The following ST6GALNAC3 variants were observed in gnomAD, a reference collection of about 807,000 sequenced individuals.
ST6GALNAC3 encodes ST6 N-acetylgalactosaminide alpha-2,6-sialyltransferase 3.
A neutral mutation model predicts 32.7 loss-of-function variants in ST6GALNAC3; 25 were observed. The ratio of observed to expected loss-of-function variants is 0.76; its 90% CI spans 0.56 to 1.07. ST6GALNAC3 has a LOEUF of 1.07. Ranked by LOEUF, ST6GALNAC3 falls within the 50% of genes least tolerant of loss-of-function variation. ST6GALNAC3 has a pLI of 0.00. For synonymous variants in ST6GALNAC3, 129 were observed against 133.1 expected (o/e 0.97, Z 0.21); for missense variants, 355 against 382.4 (o/e 0.93, Z 0.60).
chr1:76,408,429 A>G (rs1653986780), intron 2 of ST6GALNAC3, among the ~76,000 whole-genome samples: 1 of 152,092 alleles, frequency 6.6e-6, no homozygotes, highest in Non-Finnish European at 1.5e-5. Context: ...TCTACCCTCA[A>G]AGCCGTTGCA....
intron 3 of ST6GALNAC3, among the ~76,000 whole-genome samples, chr1:76,502,160 T>C (rs983087735): frequency 6.6e-6 from 1 of 152,242 alleles, no homozygotes; most frequent in Non-Finnish European, 1.5e-5. Flanking sequence ...CTCACCCTGT[T>C]CCAGGGATTG....
chr1:76,520,864 T>TA (rs1314162819), intron 3 of ST6GALNAC3, among the ~76,000 whole-genome samples: 1 of 152,198 alleles, frequency 6.6e-6, no homozygotes, highest in Non-Finnish European at 1.5e-5. Context: ...ATATAAATTT[T>TA]AAAAATTAGC....
chr1:76,503,004 T>C (rs1200420598), intron 3 of ST6GALNAC3, among the ~76,000 whole-genome samples: 2 of 152,208 alleles, frequency 1.3e-5, no homozygotes, highest in South Asian at 2.1e-4. Context: ...ACATTTTAAT[T>C]CGTATCTCAG....
At chr1:76,185,546 C>T (rs1037766253) in intron 1 of ST6GALNAC3, among the ~76,000 whole-genome samples, 1 of 152,096 alleles carries the variant, frequency 6.6e-6, no homozygotes, top group African/African-American at 2.4e-5. Context: ...TTCATCTGTG[C>T]CTCACTCTGA....
intron 3 of ST6GALNAC3, among the ~76,000 whole-genome samples, chr1:76,608,300 T>A (rs1647692558): frequency 2.0e-5 from 3 of 152,178 alleles, no homozygotes; most frequent in African/African-American, 7.2e-5. Flanking sequence ...AACAAATATT[T>A]ATTGAGCCTC....
chr1:76,587,291 A>G (rs1646976083), intron 3 of ST6GALNAC3, among the ~76,000 whole-genome samples: 1 of 152,142 alleles, frequency 6.6e-6, no homozygotes. Context: ...GGCAGAACAT[A>G]TTGTCTGAGT....
At chr1:76,361,178 T>C (rs1649904055) in intron 2 of ST6GALNAC3, among the ~76,000 whole-genome samples, 1 of 152,190 alleles carries the variant, frequency 6.6e-6, no homozygotes, top group Non-Finnish European at 1.5e-5. Flanking sequence ...TCAGAAGTTT[T>C]TTCATCTTGC....
chr1:76,264,823 C>T (rs1309852787), intron 1 of ST6GALNAC3, among the ~76,000 whole-genome samples: 1 of 151,594 alleles, frequency 6.6e-6, no homozygotes, highest in Admixed American at 6.6e-5. Context: ...ATGGAGAAGC[C>T]TTTTTTGACC....
intron 1 of ST6GALNAC3, among the ~76,000 whole-genome samples, chr1:76,231,102 T>G (rs752016181): frequency 2.6e-5 from 4 of 152,102 alleles, no homozygotes; most frequent in Non-Finnish European, 4.4e-5. Flanking sequence ...ACTGCTGCTT[T>G]CTCTCTCAGC....
intron 1 of ST6GALNAC3, among the ~76,000 whole-genome samples, chr1:76,284,744 C>A (rs1484433089): frequency 2.0e-5 from 3 of 151,988 alleles, no homozygotes; most frequent in Non-Finnish European, 2.9e-5. Flanking sequence ...GGTTTGGAGG[C>A]AAACTATTGT....
chr1:76,320,453 T>C (rs966430741), intron 2 of ST6GALNAC3, among the ~76,000 whole-genome samples: 1 of 152,130 alleles, frequency 6.6e-6, no homozygotes, highest in African/African-American at 2.4e-5. Context: ...CCCTGCATAC[T>C]ATGTAGGGGG....
intron 1 of ST6GALNAC3, among the ~76,000 whole-genome samples, chr1:76,139,760 C>T (rs2100272243): frequency 6.6e-6 from 1 of 152,296 alleles, no homozygotes; most frequent in East Asian, 1.9e-4. Flanking sequence ...GGTTGTGACC[C>T]TAATCAGCCG....
intron 1 of ST6GALNAC3, among the ~76,000 whole-genome samples, chr1:76,082,911 A>G (rs1005648122): frequency 1.3e-5 from 2 of 151,946 alleles, no homozygotes; most frequent in Admixed American, 6.6e-5. Flanking sequence ...CTCTGTGCAC[A>G]CATAGCAAAT....
intron 2 of ST6GALNAC3, among the ~76,000 whole-genome samples, chr1:76,359,821 T>C (rs1023817436): frequency 6.6e-6 from 1 of 152,136 alleles, no homozygotes; most frequent in Non-Finnish European, 1.5e-5. Context: ...GTAGAATCAA[T>C]GAAGATAGGT....
intron 3 of ST6GALNAC3, among the ~76,000 whole-genome samples, chr1:76,568,708 G>A (rs1318869654): frequency 1.3e-5 from 2 of 152,090 alleles, no homozygotes; most frequent in Non-Finnish European, 2.9e-5. Context: ...ACGCAGTATA[G>A]TGCTTCGTGT....
chr1:76,203,428 C>T (rs991016256), intron 1 of ST6GALNAC3, among the ~76,000 whole-genome samples: 1 of 152,120 alleles, frequency 6.6e-6, no homozygotes, highest in Non-Finnish European at 1.5e-5. Context: ...ACAGGCTCTC[C>T]AGATGATTCT....
intron 1 of ST6GALNAC3, among the ~76,000 whole-genome samples, chr1:76,254,375 G>A (rs961180781): frequency 3.9e-5 from 6 of 152,188 alleles, no homozygotes; most frequent in East Asian, 1.9e-4. Context: ...GTCTCATGCC[G>A]TGTTTTTGAT....
chr1:76,234,568 T>C lies in ST6GALNAC3; in HGVS notation c.19-79237T>C, dbSNP rs187402454. Among the ~76,000 whole-genome samples, 141 of 152,308 alleles carry C rather than the reference T, an allele frequency of 9.3e-4. 1 individual carries two copies. Among genetic ancestry groups the C allele is most frequent in the Middle Eastern group, 3.4e-3 (1 of 294 alleles). On this transcript the variant is annotated intron_variant, in intron 1 of 4. Transcript: ENST00000328299. The stretch of plus-strand genomic sequence containing the variant: ...TATGTGCTATATATCTTCATGTGAA[T>C]GTCTGGACAAGAATCCCCTGCTCTT...
Position 76,433,871 on chromosome 1 carries a change from T to A in ST6GALNAC3, c.623+21454T>A, listed in dbSNP as rs144566970. ...AATTAGTTTTGAAAGCTGCTGATGA[T>A]AGCAGACAGGGGTGACATGTGATAA... On this transcript the variant is annotated intron_variant, in intron 3 of 4. Transcript: ENST00000328299. 6.7e-3 allele frequency among the ~76,000 whole-genome samples: 1,026 copies of A among 152,350 alleles called. 18 individuals are homozygous for A. The highest frequency in any genetic ancestry group is 0.024 in the African/African-American group (990 of 41,582).
Sources: allele counts gnomAD v4.1 joint callset (sites outside exome capture counted in the v4.1 genomes callset), GRCh38; gene constraint gnomAD v4.1.1; transcripts MANE v1.5; gene names NCBI Gene and HGNC (gene_info 2026-07-23, HGNC 2026-07-21).